MYO10: variants seen among roughly 807,000 people sequenced by gnomAD.
MYO10 encodes the protein myosin X, also known as unconventional myosin-X.
A neutral mutation model predicts 257.3 loss-of-function variants in MYO10; 133 were observed. The ratio of observed to expected loss-of-function variants is 0.52; its 90% CI spans 0.45 to 0.60. The LOEUF is 0.60. Ranked by LOEUF, MYO10 falls within the 20% of genes least tolerant of loss-of-function variation. The pLI is 0.00. For synonymous variants in MYO10, 1,104 were observed against 1,028.6 expected (o/e 1.07, Z -1.40); for missense variants, 2,399 against 2,635.7 (o/e 0.91, Z 1.97).
intron 1 of MYO10, among the ~76,000 whole-genome samples, chr5:16,908,331 C>T (rs990624597): frequency 2.0e-5 from 3 of 152,094 alleles, no homozygotes; most frequent in African/African-American, 7.2e-5. Flanking sequence ...AGTTCGAGAG[C>T]AGCCTGGCCA....
In MYO10 at chr5:16,777,839, C is replaced by CCT. The variant is rs1560979466; in HGVS notation, c.930+1705_930+1706insAG. ...GCCACCCTAGGTGCATTGCATCTAA[C>CCT]TTTTTTTTTTTTTTTTTTTTTTTTT... On this transcript the variant is annotated intron_variant, in intron 9 of 40. Coordinates refer to ENST00000513610, the MANE Select transcript of MYO10 (RefSeq NM_012334.3). 4.3e-4 allele frequency among the ~76,000 whole-genome samples: 38 copies of CCT among 88,478 alleles called. 4 individuals are homozygous for CCT. Among genetic ancestry groups the CCT allele is most frequent in the African/African-American group, 1.4e-3 (26 of 18,652 alleles). 58.0% of individuals were successfully genotyped at this position (88,478 alleles called of 152,430 possible).
At chr5:16,897,052 T>A (rs113420934) in intron 1 of MYO10, among the ~76,000 whole-genome samples, 1,785 of 152,090 alleles carry the variant, frequency 0.012, 11 homozygotes, top group Middle Eastern at 0.031. Context: ...TCATATAAAT[T>A]TTCTGTCAAG....
chr5:16,876,006 A>G (rs1744589968), intron 2 of MYO10, among the ~76,000 whole-genome samples: 1 of 152,144 alleles, frequency 6.6e-6, no homozygotes, highest in Non-Finnish European at 1.5e-5. Flanking sequence ...TCAGCTACTC[A>G]GGAGGCTGAG....
chr5:16,818,953 G>C (rs1189110481), intron 2 of MYO10, among the ~76,000 whole-genome samples: 1 of 151,966 alleles, frequency 6.6e-6, no homozygotes, highest in Non-Finnish European at 1.5e-5. Context: ...CCTATATAAT[G>C]TTTCATATTG....
chr5:16,751,879 T>C (rs1017329168), intron 19 of MYO10, among the ~76,000 whole-genome samples: 1 of 152,192 alleles, frequency 6.6e-6, no homozygotes, highest in South Asian at 2.1e-4. Context: ...CTTCAGGACA[T>C]GTAAAGTGAG....
chr5:16,695,160 C>G (rs1737684398), intron 26 of MYO10, among the ~76,000 whole-genome samples: 1 of 152,086 alleles, frequency 6.6e-6, no homozygotes, highest in African/African-American at 2.4e-5. Context: ...ACGGTAAAAC[C>G]CTGTCTCTAC....
intron 39 of MYO10, 105 bp downstream of exon 39, chr5:16,670,421 A>G: frequency 3.9e-6 from 4 of 1,029,134 alleles, no homozygotes; most frequent in Non-Finnish European, 5.6e-6. Flanking sequence ...AGGTTGAGAG[A>G]GCAAAATGCT....
Position 16,664,892 on chromosome 5 carries a change from AAC to A in MYO10, c.*1798_*1799del, listed in dbSNP as rs1736092224. ...ACCTGATGAGCAAGTCCATGAAACA[AAC>A]ACAAAGCCCAGACACTGAAACCATA... On this transcript the variant is annotated 3_prime_UTR_variant, in exon 41 of 41. Coordinates refer to ENST00000513610, the MANE Select transcript of MYO10 (RefSeq NM_012334.3). 4 of 152,360 alleles carry A rather than the reference AAC, an allele frequency of 2.6e-5. No individual in the cohort carries two copies. In the South Asian group the frequency reaches 6.2e-4, roughly 24 times the overall value. The allele number at this position is 152,360 out of a possible 1,614,324, so 9.4% of individuals were successfully genotyped here.
rs1309057711 is a variant in MYO10, at chr5:16,698,623, G to T, written c.3556+827C>A. Among the ~76,000 whole-genome samples the T allele has an allele frequency of 1.9e-4, 22 of 113,812 alleles. 1 individual carries two copies. The highest frequency in any genetic ancestry group is 3.6e-4 in the Admixed American group (4 of 11,006). 74.7% of individuals were successfully genotyped at this position (113,812 alleles called of 152,430 possible). ...TATCCCTGGCAGGAGAGAACATGCA[G>T]TTTTTTTTTTTTTTTTTTGAGACAG... On this transcript the variant is annotated intron_variant, in intron 26 of 40. Transcript: ENST00000513610.
At chr5:16,877,821 G>A in intron 1 of MYO10, 114 bp from the exon 2 acceptor site, 1 of 767,774 alleles carries the variant, frequency 1.3e-6, no homozygotes, top group South Asian at 1.7e-5. Context: ...TTCTTGAAAA[G>A]TAAATGTCTT....
intron 5 of MYO10, among the ~76,000 whole-genome samples, chr5:16,782,854 G>A (rs1741463048): frequency 6.6e-6 from 1 of 152,110 alleles, no homozygotes; most frequent in Admixed American, 6.6e-5. Context: ...CCACACACGA[G>A]AGGCCCGTTC....
At chr5:16,861,666 A>G (rs1181448763) in intron 2 of MYO10, among the ~76,000 whole-genome samples, 1 of 152,188 alleles carries the variant, frequency 6.6e-6, no homozygotes, top group Non-Finnish European at 1.5e-5. Context: ...AGAAAGCATA[A>G]ATGTCATTGC....
At chr5:16,878,322 A>T (rs761851992) in intron 1 of MYO10, among the ~76,000 whole-genome samples, 4 of 152,186 alleles carry the variant, frequency 2.6e-5, no homozygotes, top group African/African-American at 9.7e-5. Context: ...AGTTTCTAAT[A>T]TTTATCAGAA....
At chr5:16,878,159 C>A (rs769510140) in intron 1 of MYO10, among the ~76,000 whole-genome samples, 3 of 152,182 alleles carry the variant, frequency 2.0e-5, no homozygotes, top group Non-Finnish European at 4.4e-5. Context: ...CAAGCCTTCA[C>A]CCTCTTTGAG....
intron 19 of MYO10, 49 bp downstream of exon 19, chr5:16,754,779 G>A (rs1184885312): frequency 1.0e-5 from 14 of 1,397,040 alleles, no homozygotes; most frequent in Non-Finnish European, 1.3e-5. Flanking sequence ...ACCCCAGGAG[G>A]CTGTGTCCCT....
At chr5:16,811,068 CAAAAAAAA>C (rs11420807) in intron 3 of MYO10, among the ~76,000 whole-genome samples, 4 of 108,990 alleles carry the variant, frequency 3.7e-5, no homozygotes, top group Non-Finnish European at 7.8e-5. Context: ...GACTCTGTCT[CAAAAAAAA>C]AAAAAAAAAC....
intron 2 of MYO10, among the ~76,000 whole-genome samples, chr5:16,863,238 G>A (rs1188054345): frequency 1.3e-5 from 2 of 152,210 alleles, no homozygotes; most frequent in East Asian, 3.9e-4. Context: ...GAACCTCGCT[G>A]GGCCAGTAAA....
intron 29 of MYO10, among the ~76,000 whole-genome samples, chr5:16,685,287 T>C (rs1230558495): frequency 2.6e-5 from 4 of 152,166 alleles, no homozygotes; most frequent in African/African-American, 4.8e-5. Context: ...CATAGCTCAC[T>C]GTAGCCTCGA....
At chr5:16,850,653 T>C (rs1203637335) in intron 2 of MYO10, among the ~76,000 whole-genome samples, 1 of 152,138 alleles carries the variant, frequency 6.6e-6, no homozygotes, top group African/African-American at 2.4e-5. Context: ...AAATGTCTGT[T>C]GGCAGGAAGG....
Sources: allele counts gnomAD v4.1 joint callset (sites outside exome capture counted in the v4.1 genomes callset), GRCh38; gene constraint gnomAD v4.1.1; transcripts MANE v1.5; gene names NCBI Gene and HGNC (gene_info 2026-07-23, HGNC 2026-07-21).